The following SF3B3 variants were observed in gnomAD, a reference collection of about 807,000 sequenced individuals.
SF3B3 encodes splicing factor 3b subunit 3, also known as SAP 130.
In SF3B3, 33 loss-of-function variants were observed where a neutral mutation model predicts 139.2. That is an observed-to-expected ratio of 0.24 (90% CI 0.18 to 0.32). The LOEUF is 0.32. Ranked by LOEUF, SF3B3 falls within the 10% of genes least tolerant of loss-of-function variation. The probability of loss-of-function intolerance (pLI) is 1.00; values close to 1 mark genes in which losing one functional copy is unlikely to be tolerated. For synonymous variants in SF3B3, 596 were observed against 563.6 expected, an observed-to-expected ratio of 1.06 and a Z score of -0.81; for missense variants, 818 against 1,509.4, an observed-to-expected ratio of 0.54 and a Z score of 7.59.
chr16:70,547,022 C>G (rs142089039), intron 10 of SF3B3, among the ~76,000 whole-genome samples: 4 of 140,494 alleles, frequency 2.8e-5, no homozygotes, highest in Non-Finnish European at 4.6e-5. Context: ...AGCGAGACTC[C>G]GTCTCAAAAA....
At chr16:70,539,245 G>C (rs2050196216) in intron 8 of SF3B3, 38 bp downstream of exon 8, 2 of 1,476,008 alleles carry the variant, frequency 1.4e-6, no homozygotes, top group East Asian at 4.5e-5. Flanking sequence ...CACCCTGGTT[G>C]GGATAAAAGT....
In SF3B3 at chr16:70,576,656, A is replaced by T. The variant is rs2050583957; in HGVS notation, c.*4843A>T. ...GGGGAATCTCAGCTTTAGGGAGTCGATGATGTAACTGGAGAAAGGCAATGC... is the reference window on the plus strand; with the variant it reads ...GGGGAATCTCAGCTTTAGGGAGTCGTTGATGTAACTGGAGAAAGGCAATGC... On this transcript the variant is annotated 3_prime_UTR_variant, in exon 26 of 26. Transcript: ENST00000302516. 1 of 152,190 alleles carries T rather than the reference A, an allele frequency of 6.6e-6. No individual in the cohort carries two copies. 9.4% of individuals were successfully genotyped at this position (152,190 alleles called of 1,614,324 possible).
intron 25 of SF3B3, 131 bp downstream of exon 25, chr16:70,571,330 T>C: frequency 1.5e-6 from 1 of 664,682 alleles, no homozygotes; most frequent in Non-Finnish European, 2.6e-6. Flanking sequence ...AGGCTTCACC[T>C]GCTTCTGCCA....
intron 14 of SF3B3, chr16:70,556,616 A>G: frequency 3.4e-6 from 2 of 595,724 alleles, no homozygotes; most frequent in South Asian, 4.1e-5. Flanking sequence ...GACTTGCTGC[A>G]GGACCCTAGG....
At position 70,567,552 on chromosome 16, in the gene SF3B3, T is replaced by C. The variant is rs1434394624; in HGVS notation, c.2952+16T>C. 6 of 1,611,042 alleles carry C rather than the reference T, an allele frequency of 3.7e-6. No homozygotes were observed. The highest frequency in any genetic ancestry group is 4.2e-6 in the Non-Finnish European group (5 of 1,178,576). On this transcript the variant is annotated intron_variant, in intron 21 of 25. Coordinates refer to ENST00000302516, the MANE Select transcript of SF3B3 (RefSeq NM_012426.5). ...TGAGAATAAGGTAAGTGTGCTGGCA[T>C]TGGTGCTGAGATCTAGCTCATGTGT...
chr16:70,535,559 T>C, intron 6 of SF3B3, 139 bp downstream of exon 6: 1 of 430,898 alleles, frequency 2.3e-6, no homozygotes, highest in African/African-American at 2.0e-5. Context: ...GACGTAAATG[T>C]TGTTTTTAAT....
At chr16:70,530,537 T>G (rs1346383735) in intron 3 of SF3B3, among the ~76,000 whole-genome samples, 1 of 151,974 alleles carries the variant, frequency 6.6e-6, no homozygotes, top group Non-Finnish European at 1.5e-5. Flanking sequence ...CAGGCTGGTC[T>G]TGAACTCCTG....
chr16:70,554,432 C>G lies in SF3B3; in HGVS notation c.1403-14C>G, dbSNP rs749268054. The G allele has an allele frequency of 9.3e-6, 15 of 1,613,420 alleles. No individual in the cohort carries two copies. ...GAGTTCTTATCTAACCAACTCCCTT[C>G]TTTTCTTTTTCAGATGAGTTTGATG... On this transcript the variant is annotated splice_polypyrimidine_tract_variant and intron_variant, in intron 11 of 25. Transcript: ENST00000302516.
chr16:70,531,803 C>T (rs1276482616), intron 4 of SF3B3, among the ~76,000 whole-genome samples: 4 of 152,358 alleles, frequency 2.6e-5, no homozygotes, highest in South Asian at 2.1e-4. Context: ...TTTCCTTTAA[C>T]GGAAGGCAGT....
chr16:70,535,494 T>G (rs1319780688), intron 6 of SF3B3, 74 bp downstream of exon 6: 1 of 766,546 alleles, frequency 1.3e-6, no homozygotes, highest in African/African-American at 1.8e-5. Context: ...CTTAGTTTGT[T>G]ACCAATTTAG....
At position 70,563,899 on chromosome 16, in the gene SF3B3, G is replaced by C; in HGVS notation, c.2312G>C (p.Gly771Ala). Residue 771 changes from glycine (G) to alanine (A), a missense_variant, in exon 18 of 26, where the codon GGT becomes GCT. Gly to Ala is a moderately conservative substitution (Grantham distance 60). Around this residue, in one of 14 missense-constraint regions of SF3B3, gnomAD observed 170 missense variants for 353.0 expected, o/e 0.48. Transcript: ENST00000302516. Reference sequence around the variant, plus strand: ...AGGATTTTGGCATTAGAGAAGCTCGGTGCTGTCTTCAATCAAGTAGCCTTC... The same window carrying C: ...AGGATTTTGGCATTAGAGAAGCTCGCTGCTGTCTTCAATCAAGTAGCCTTC... ...TLRILALEKL[G>A]AVFNQVAFPL... is the part of the protein sequence containing the mutation. 1 of 1,614,016 alleles carries C rather than the reference G, an allele frequency of 6.2e-7. No individual in the cohort carries two copies. The highest frequency in any genetic ancestry group is 8.5e-7 in the Non-Finnish European group (1 of 1,179,990).
chr16:70,567,304 T>A, intron 20 of SF3B3, 107 bp from the exon 21 acceptor site: 1 of 1,260,684 alleles, frequency 7.9e-7, no homozygotes, highest in African/African-American at 1.5e-5. Flanking sequence ...CACTGGTGTG[T>A]TTCTTAATGA....
chr16:70,533,223 C>G (rs1218071859), intron 5 of SF3B3, among the ~76,000 whole-genome samples: 1 of 152,074 alleles, frequency 6.6e-6, no homozygotes, highest in African/African-American at 2.4e-5. Flanking sequence ...GGCATGGTGG[C>G]TCACGCCTAT....
At chr16:70,539,979 T>C (rs1268594986) in intron 8 of SF3B3, among the ~76,000 whole-genome samples, 1 of 150,780 alleles carries the variant, frequency 6.6e-6, no homozygotes, top group Non-Finnish European at 1.5e-5. Flanking sequence ...TTTCTCCATG[T>C]TAGTCAGGCT....
In SF3B3 at chr16:70,560,605, G is replaced by A; in HGVS notation, c.2133+14G>A. The A allele has an allele frequency of 1.2e-6, 2 of 1,612,358 alleles. No individual in the cohort carries two copies. The highest frequency in any genetic ancestry group is 2.2e-5 in the East Asian group (1 of 44,744). Reference sequence around the variant, plus strand: ...GGCCAGGAGGCAGTAAGTAATGAAGGTTGGGGACAGGCAACATCTTTGGGA... The same window carrying A: ...GGCCAGGAGGCAGTAAGTAATGAAGATTGGGGACAGGCAACATCTTTGGGA... On this transcript the variant is annotated intron_variant, in intron 16 of 25. Transcript: ENST00000302516.
intron 2 of SF3B3, among the ~76,000 whole-genome samples, chr16:70,528,201 G>A (rs1281881169): frequency 2.5e-5 from 3 of 120,892 alleles, no homozygotes; most frequent in African/African-American, 9.4e-5. Flanking sequence ...GTCTTGCTGT[G>A]TTGCCCAGGC....
rs1317815817 is a variant in SF3B3 at position 70,575,126 on chromosome 16, TACACACCAGTCTGAACCAGCACAACCA to T, written c.*3315_*3341del. The T allele has an allele frequency of 6.6e-6, 1 of 151,990 alleles. No homozygotes were observed. Among genetic ancestry groups the T allele is most frequent in the Non-Finnish European group, 1.5e-5 (1 of 68,002 alleles). The allele number at this position is 151,990 out of a possible 1,614,324, so 9.4% of individuals were successfully genotyped here. ...TGAACTGAAATGGGCAGGTGTAGGC[TACACACCAGTCTGAACCAGCACAACCA>T]AGAGTTGTTTCTCTTTTTTTTCTTT... On this transcript the variant is annotated 3_prime_UTR_variant, in exon 26 of 26. Transcript: ENST00000302516.
In SF3B3 at chr16:70,571,690, C is replaced by T; in HGVS notation, c.3531C>T (p.Asp1177=). ...TATCTTAGAATGTGATTGATGGAGA[C>T]CTCTGTGAGCAGTTCAATTCCATGG... The part of the protein sequence containing the change: ...YFPVKNVIDG[D]LCEQFNSMEP... Residue 1177 remains aspartate (D), a synonymous_variant, in exon 26 of 26, where the codon GAC becomes GAT. Transcript: ENST00000302516. The T allele has an allele frequency of 6.2e-7, 1 of 1,612,438 alleles. No individual in the cohort carries two copies. Among genetic ancestry groups the T allele is most frequent in the South Asian group, 1.1e-5 (1 of 90,984 alleles).
rs1187699987 is a variant in SF3B3, at chr16:70,570,117, A to C, written c.3376A>C (p.Ile1126Leu). 64 of 1,614,118 alleles carry C rather than the reference A, an allele frequency of 4.0e-5. No individual in the cohort carries two copies. The highest frequency in any genetic ancestry group is 5.3e-5 in the Non-Finnish European group (62 of 1,180,026). The change falls in exon 24 of 26, where the codon ATT becomes CTT. Residue 1126 changes from isoleucine (I) to leucine (L), a missense_variant. Transcript: ENST00000302516. ...SLVYTTLSGG[I>L]GILVPFTSHE... ...TGTCTATACCACCTTGTCTGGAGGA[A>C]TTGGCATCCTTGTGCCATTCACGTC...
Sources: gnomAD v4.1 joint callset for allele counts (sites outside exome capture counted in the v4.1 genomes callset) on GRCh38, gnomAD v4.1.1 for gene constraint, gnomAD v4.1.1 regional missense constraint, MANE v1.5 for transcripts, NCBI Gene and HGNC (gene_info 2026-07-23, HGNC 2026-07-21) for gene names.